Variants in KIF24 observed in about 807,000 individuals in gnomAD.
The protein encoded by KIF24 is kinesin family member 24.
A neutral mutation model predicts 118.9 loss-of-function variants in KIF24; 81 were observed. That is an observed-to-expected ratio of 0.68 (90% CI 0.57 to 0.82). KIF24 has a LOEUF of 0.82. Among genes scored for constraint, KIF24 ranks in the 40% least tolerant of loss-of-function variants. KIF24 has a pLI of 0.00. For missense variants in KIF24, 1,560 were observed against 1,661.6 expected (o/e 0.94, Z 1.06); for synonymous variants, 599 against 610.0 (o/e 0.98, Z 0.27).
At chr9:34,300,291 A>G (rs1167897116) in intron 3 of KIF24, among the ~76,000 whole-genome samples, 2 of 152,220 alleles carry the variant, frequency 1.3e-5, no homozygotes, top group Non-Finnish European at 2.9e-5. Flanking sequence ...GTTGGGTGAC[A>G]GGCACATAGA....
chr9:34,280,519 G>A (rs1015272418), intron 6 of KIF24, among the ~76,000 whole-genome samples: 4 of 152,030 alleles, frequency 2.6e-5, no homozygotes, highest in African/African-American at 4.8e-5. Flanking sequence ...CTGGAGGTAG[G>A]GGCAAGAGGA....
chr9:34,310,177 G>GT lies in KIF24; in HGVS notation c.623+546dup, dbSNP rs996138227. Among the ~76,000 whole-genome samples the GT allele has an allele frequency of 3.3e-5, 5 of 152,180 alleles. No homozygotes were observed. The South Asian group carries it at 6.2e-4, about 19-fold the overall frequency. The stretch of plus-strand genomic sequence containing the variant: ...CTGTTTGTAATCACCAAAATTATCT[G>GT]TTTTTTCCGGGGTTGAAATTGTAGA... On this transcript the variant is annotated intron_variant, in intron 2 of 12. Coordinates refer to ENST00000402558, the MANE Select transcript of KIF24 (RefSeq NM_194313.4).
At chr9:34,272,768 G>A (rs1292042784) in intron 6 of KIF24, among the ~76,000 whole-genome samples, 1 of 152,136 alleles carries the variant, frequency 6.6e-6, no homozygotes, top group Non-Finnish European at 1.5e-5. Context: ...GATTATAGGT[G>A]TGCATCGCCA....
intron 6 of KIF24, among the ~76,000 whole-genome samples, chr9:34,285,077 G>A (rs1004607530): frequency 1.3e-5 from 2 of 152,066 alleles, no homozygotes; most frequent in African/African-American, 4.8e-5. Context: ...GGGGAACAGG[G>A]GAAGTGGGGT....
In KIF24 at chr9:34,286,681, T is replaced by G; in HGVS notation, c.1151A>C (p.Lys384Thr). ...RKRLFAREDS[K>T]HMVQIVGLQE... is the part of the protein sequence containing the mutation. ...CAGTCCCACTATCTGCACCATGTGCTTGCTATCTTCTCTTGCAAAGAGCCT... is the reference window on the plus strand; with the variant it reads ...CAGTCCCACTATCTGCACCATGTGCGTGCTATCTTCTCTTGCAAAGAGCCT... The change falls in exon 6 of 13, where the codon AAG becomes ACG. Residue 384 changes from lysine to threonine, a missense_variant. Physicochemically the swap from Lys to Thr is moderately conservative, Grantham distance 78. Coordinates refer to ENST00000402558, the MANE Select transcript of KIF24 (RefSeq NM_194313.4). 1.2e-6 allele frequency: 2 copies of G among 1,613,462 alleles called. No homozygotes were observed. Among genetic ancestry groups the G allele is most frequent in the Non-Finnish European group, 1.7e-6 (2 of 1,179,480 alleles).
Position 34,256,544 on chromosome 9 carries a change from G to C in KIF24, c.3063C>G (p.Ser1021Arg), listed in dbSNP as rs1054911490. The C allele has an allele frequency of 4.3e-6, 7 of 1,614,006 alleles. No homozygotes were observed. The Admixed American group carries it at 8.3e-5, about 19-fold the overall frequency. ...GGACAGCATGACCGTTTTTCACAGT[G>C]CTGGTCACCTGGATTGGGCCGTCTG... ...VSADGPIQVTSTVKNGHAVPG... is the reference protein window; with the variant it reads ...VSADGPIQVTRTVKNGHAVPG... Residue 1021 changes from serine (S) to arginine (R), a missense_variant, in exon 11 of 13, where the codon AGC becomes AGG. Ser to Arg is a moderately radical substitution (Grantham distance 110). Coordinates refer to ENST00000402558, the MANE Select transcript of KIF24 (RefSeq NM_194313.4).
rs1401313603 is a variant in KIF24 at position 34,256,278 on chromosome 9, C to T, written c.3329G>A (p.Arg1110Lys). 2 of 1,610,290 alleles carry T rather than the reference C, an allele frequency of 1.2e-6. No individual in the cohort carries two copies. Among genetic ancestry groups the T allele is most frequent in the East Asian group, 2.2e-5 (1 of 44,840 alleles). Residue 1110 changes from arginine to lysine, a missense_variant, in exon 11 of 13, where the codon AGG (arginine) becomes AAG (lysine). This residue lies in a region of KIF24 where 591 missense variants were observed against 655.6 expected (regional missense o/e 0.90). Transcript: ENST00000402558. ...GGGAGATGAGGACAGCCACAGGTGC[C>T]TAGTTGCTGAAGACACTGGCAAGGC... ...EAALPVSSAT[R>K]HLWLSSSPPD...
chr9:34,286,557 A>C, intron 6 of KIF24, 60 bp downstream of exon 6: 2 of 1,244,348 alleles, frequency 1.6e-6, no homozygotes, highest in Non-Finnish European at 2.4e-6. Context: ...TAGCAAAATG[A>C]ATTTGTTCCC....
intron 12 of KIF24, 71 bp downstream of exon 12, chr9:34,255,001 C>T: frequency 9.4e-7 from 1 of 1,068,884 alleles, no homozygotes. Context: ...CCACAGCAAA[C>T]AAGGATGACC....
intron 4 of KIF24, among the ~76,000 whole-genome samples, chr9:34,290,932 C>T (rs564838680): frequency 6.6e-6 from 1 of 152,096 alleles, no homozygotes; most frequent in South Asian, 2.1e-4. Flanking sequence ...CTTACAGAAC[C>T]AGTAAGAGAA....
chr9:34,268,784 AG>A (rs1445726185), intron 8 of KIF24, among the ~76,000 whole-genome samples: 6 of 152,222 alleles, frequency 3.9e-5, no homozygotes, highest in Non-Finnish European at 8.8e-5. Context: ...CTGGGATTAT[AG>A]GCGTGAGCCA....
At chr9:34,314,178 T>C (rs1370430652) in intron 1 of KIF24, among the ~76,000 whole-genome samples, 6 of 151,902 alleles carry the variant, frequency 3.9e-5, no homozygotes, top group Non-Finnish European at 8.8e-5. Context: ...TTATTGTTTG[T>C]TTTTTGAGAC....
At chr9:34,282,434 TTAGA>T (rs1191325347) in intron 6 of KIF24, 2 of 152,094 alleles carry the variant, frequency 1.3e-5, no homozygotes, top group Non-Finnish European at 2.9e-5. Flanking sequence ...TTTTCTGCAA[TTAGA>T]TAGTGACAAT....
Position 34,254,195 on chromosome 9 carries a change from G to A in KIF24, c.*185C>T. 4 of 534,548 alleles carry A rather than the reference G, an allele frequency of 7.5e-6. No homozygotes were observed. The highest frequency in any genetic ancestry group is 3.2e-5 in the South Asian group (1 of 31,086). 33.1% of individuals were successfully genotyped at this position (534,548 alleles called of 1,614,324 possible). On this transcript the variant is annotated 3_prime_UTR_variant, in exon 13 of 13. Transcript: ENST00000402558. Reference sequence around the variant, plus strand: ...CTGTGCATGGAACTGAGGGACAGGGGCCTGTCCCTGAGGGAGAAGCTGGGA... The same window carrying A: ...CTGTGCATGGAACTGAGGGACAGGGACCTGTCCCTGAGGGAGAAGCTGGGA...
chr9:34,311,765 T>TACATATATATATAC (rs1837174518), intron 1 of KIF24, among the ~76,000 whole-genome samples: 1 of 145,110 alleles, frequency 6.9e-6, no homozygotes, highest in African/African-American at 2.5e-5. Context: ...TGTGTATATA[T>TACATATATATATAC]ACATATATAT....
chr9:34,300,459 C>T (rs1433762721), intron 3 of KIF24, among the ~76,000 whole-genome samples: 1 of 151,694 alleles, frequency 6.6e-6, no homozygotes, highest in Non-Finnish European at 1.5e-5. Context: ...ACCTCCCACT[C>T]CCTGCTTCAA....
chr9:34,271,928 C>G lies in KIF24; in HGVS notation c.1218G>C (p.Val406=). The G allele has an allele frequency of 1.3e-6, 2 of 1,588,028 alleles. No homozygotes were observed. The highest frequency in any genetic ancestry group is 1.7e-6 in the Non-Finnish European group (2 of 1,166,354). The part of the protein sequence containing the change: ...QVDSVELLLE[V]ILKGSKERST... Reference sequence around the variant, plus strand: ...TGCGCTCCTTGCTGCCCTTTAAGATCACCTGAAAATAAAATCCACAGGATG... The same window carrying G: ...TGCGCTCCTTGCTGCCCTTTAAGATGACCTGAAAATAAAATCCACAGGATG... Residue 406 remains valine, a splice_region_variant and synonymous_variant, in exon 7 of 13, where the codon GTG becomes GTC. Coordinates refer to ENST00000402558, the MANE Select transcript of KIF24 (RefSeq NM_194313.4).
chr9:34,322,997 G>A (rs928077077), intron 1 of KIF24, among the ~76,000 whole-genome samples: 2 of 152,050 alleles, frequency 1.3e-5, no homozygotes, highest in African/African-American at 4.8e-5. Flanking sequence ...AGAGATTAAA[G>A]GGTGAAAAAT....
intron 2 of KIF24, among the ~76,000 whole-genome samples, chr9:34,309,492 G>A (rs1837055582): frequency 1.4e-5 from 2 of 139,828 alleles, no homozygotes; most frequent in African/African-American, 2.7e-5. Context: ...AGTGAGCAGA[G>A]ATTGCACCAC....
Sources: gnomAD v4.1 joint callset for allele counts (sites outside exome capture counted in the v4.1 genomes callset) on GRCh38, gnomAD v4.1.1 for gene constraint, gnomAD v4.1.1 regional missense constraint, MANE v1.5 for transcripts, NCBI Gene and HGNC (gene_info 2026-07-23, HGNC 2026-07-21) for gene names.